TOLLIP: variants seen among roughly 807,000 people sequenced by gnomAD.
The protein encoded by TOLLIP is toll-interacting protein.
In TOLLIP, 16 loss-of-function variants were observed where a neutral mutation model predicts 33.5. That is an observed-to-expected ratio of 0.48 (90% CI 0.32 to 0.72). The LOEUF is 0.72. TOLLIP is among the 30% of genes least tolerant of loss of function. The probability of loss-of-function intolerance (pLI) is 0.03; values close to 1 mark genes in which losing one functional copy is unlikely to be tolerated. For missense variants in TOLLIP, 325 were observed against 396.6 expected, an observed-to-expected ratio of 0.82 and a Z score of 1.53; for synonymous variants, 176 against 163.7, an observed-to-expected ratio of 1.07 and a Z score of -0.57.
At chr11:1,285,626 G>A (rs1863666542) in intron 5 of TOLLIP, among the ~76,000 whole-genome samples, 1 of 152,128 alleles carries the variant, frequency 6.6e-6, no homozygotes, top group Middle Eastern at 3.2e-3. Flanking sequence ...TGGGCGTGAG[G>A]TTCGGACACG....
At chr11:1,280,316 G>A (rs1372523106) in intron 5 of TOLLIP, among the ~76,000 whole-genome samples, 1 of 152,220 alleles carries the variant, frequency 6.6e-6, no homozygotes, top group Non-Finnish European at 1.5e-5. Context: ...CGTGCATGGT[G>A]CCACCGCGTG....
chr11:1,295,426 C>T (rs1047762908), intron 2 of TOLLIP: 2 of 525,322 alleles, frequency 3.8e-6, no homozygotes, highest in Non-Finnish European at 6.6e-6. Context: ...CCCACCTACA[C>T]CCACTACTCA....
intron 5 of TOLLIP, among the ~76,000 whole-genome samples, chr11:1,280,011 G>C (rs1358560028): frequency 6.6e-6 from 1 of 152,218 alleles, no homozygotes; most frequent in Non-Finnish European, 1.5e-5. Flanking sequence ...ACTCCACAGA[G>C]CGTTATCACA....
At chr11:1,308,327 T>C (rs1384841623) in intron 1 of TOLLIP, among the ~76,000 whole-genome samples, 3 of 152,190 alleles carry the variant, frequency 2.0e-5, no homozygotes, top group African/African-American at 7.2e-5. Context: ...CCCCCAACTC[T>C]CTTGCTGCTT....
intron 1 of TOLLIP, among the ~76,000 whole-genome samples, chr11:1,306,345 C>T (rs1225912493): frequency 6.6e-6 from 1 of 151,990 alleles, no homozygotes; most frequent in South Asian, 2.1e-4. Context: ...ACCCCATTAG[C>T]GGCCCCTCTG....
At chr11:1,299,944 G>C (rs553736203) in intron 1 of TOLLIP, among the ~76,000 whole-genome samples, 85 of 152,328 alleles carry the variant, frequency 5.6e-4, no homozygotes, top group African/African-American at 1.9e-3. Context: ...GCGGAGGTGC[G>C]GCACGACCTG....
chr11:1,308,438 G>A (rs1864477255), intron 1 of TOLLIP, among the ~76,000 whole-genome samples: 1 of 152,186 alleles, frequency 6.6e-6, no homozygotes, highest in South Asian at 2.1e-4. Context: ...TACCTGTACA[G>A]CCTGCAGAAC....
chr11:1,290,120 C>T lies in TOLLIP; in HGVS notation c.366+107G>A. ...CCCAATGAAACACCAGGTGGGGAGC[C>T]ACGCCTCGAAGCCAGCCAGGAACGT... On this transcript the variant is annotated intron_variant, in intron 3 of 5. Transcript: ENST00000317204. The surrounding 1 kb of genome is among the most constrained non-coding windows in gnomAD (Gnocchi z 4.9). The T allele has an allele frequency of 1.7e-6, 2 of 1,176,396 alleles. No homozygotes were observed. Among genetic ancestry groups the T allele is most frequent in the Admixed American group, 2.1e-5 (1 of 47,176 alleles). 72.9% of individuals were successfully genotyped at this position (1,176,396 alleles called of 1,614,324 possible). A position where few individuals can be genotyped will look rare whatever the true frequency, so the allele number is the denominator to read the frequency against.
chr11:1,302,576 AC>A (rs1161567423), intron 1 of TOLLIP: 2 of 986,010 alleles, frequency 2.0e-6, no homozygotes, highest in Non-Finnish European at 2.4e-6. Flanking sequence ...CAAAAGCTGG[AC>A]CAGTACCTGA....
chr11:1,307,640 C>T (rs1049529025), intron 1 of TOLLIP, among the ~76,000 whole-genome samples: 6 of 152,234 alleles, frequency 3.9e-5, no homozygotes, highest in African/African-American at 1.2e-4. Context: ...GAGGACACAA[C>T]AGCAGGGTGC....
In TOLLIP at chr11:1,309,475, C is replaced by T; in HGVS notation, c.24G>A (p.Gln8=). The T allele has an allele frequency of 2.2e-6, 3 of 1,336,862 alleles. No homozygotes were observed. Among genetic ancestry groups the T allele is most frequent in the Non-Finnish European group, 2.9e-6 (3 of 1,038,248 alleles). 82.8% of individuals were successfully genotyped at this position (1,336,862 alleles called of 1,614,324 possible). The change falls in exon 1 of 6, where the codon CAG becomes CAA. Residue 8 remains glutamine (Q), a synonymous_variant. Coordinates refer to ENST00000317204, the MANE Select transcript of TOLLIP (RefSeq NM_019009.4). ...CGCCCGGCTGCCTCACCGGCCCGCG[C>T]TGAGTGCTGACGGTGGTCGCCATGG... MATTVST[Q]RGPVYIGELP...
chr11:1,286,466 A>G (rs1590212224), intron 4 of TOLLIP, among the ~76,000 whole-genome samples: 1 of 152,214 alleles, frequency 6.6e-6, no homozygotes, highest in African/African-American at 2.4e-5. Context: ...CACATAAGTC[A>G]CTGCACTGCT....
chr11:1,295,890 C>T (rs1177011270), intron 1 of TOLLIP, 96 bp from the exon 2 acceptor site: 4 of 1,416,160 alleles, frequency 2.8e-6, no homozygotes, highest in Non-Finnish European at 2.8e-6. Context: ...GCCCCGCCCC[C>T]ACCCATGTCC....
chr11:1,305,178 C>T (rs1864392490), intron 1 of TOLLIP, among the ~76,000 whole-genome samples: 1 of 152,254 alleles, frequency 6.6e-6, no homozygotes, highest in Middle Eastern at 3.2e-3. Flanking sequence ...GCAAGCACAG[C>T]AATTCCACAC....
intron 3 of TOLLIP, among the ~76,000 whole-genome samples, chr11:1,289,831 T>C (rs559515062): frequency 7.3e-6 from 1 of 136,312 alleles, no homozygotes; most frequent in Non-Finnish European, 1.5e-5. Context: ...GGGGGACACA[T>C]GCATGCTCTG....
Position 1,277,674 on chromosome 11 carries a change from CG to C in TOLLIP, c.611-422del, listed in dbSNP as rs1863354704. Among the ~76,000 whole-genome samples the C allele has an allele frequency of 6.6e-6, 1 of 152,170 alleles. No homozygotes were observed. Among genetic ancestry groups the C allele is most frequent in the South Asian group, 2.1e-4 (1 of 4,830 alleles). On this transcript the variant is annotated intron_variant, in intron 5 of 5. Transcript: ENST00000317204. This position sits in a 1 kb window ranked among gnomAD's most constrained non-coding sequence, Gnocchi z 4.2. ...CCTCTGCATCTGGGGACGGACTACA[CG>C]GAATGTCACGCCCGCTGATCCAAAC...
chr11:1,284,124 A>G (rs2133888759), intron 5 of TOLLIP, among the ~76,000 whole-genome samples: 1 of 152,228 alleles, frequency 6.6e-6, no homozygotes, highest in Admixed American at 6.5e-5. Flanking sequence ...AGGGCAGCAG[A>G]GCTCCCCTGG....
chr11:1,293,492 C>T (rs1008653652), intron 2 of TOLLIP, among the ~76,000 whole-genome samples: 7 of 152,200 alleles, frequency 4.6e-5, no homozygotes, highest in African/African-American at 1.7e-4. Flanking sequence ...AGCGAGGGGA[C>T]GCAAGCAGGG....
At chr11:1,297,988 G>A (rs1022038328) in intron 1 of TOLLIP, among the ~76,000 whole-genome samples, 2 of 152,354 alleles carry the variant, frequency 1.3e-5, no homozygotes, top group African/African-American at 2.4e-5. Flanking sequence ...CTCTCCCCGG[G>A]GGACACCTGG....
Sources: allele counts gnomAD v4.1 joint callset (sites outside exome capture counted in the v4.1 genomes callset), GRCh38; gene constraint gnomAD v4.1.1; non-coding constraint Gnocchi (gnomAD v3.1); transcripts MANE v1.5; gene names NCBI Gene and HGNC (gene_info 2026-07-23, HGNC 2026-07-21).